The following MED27 variants were observed in gnomAD, a reference collection of about 807,000 sequenced individuals.
MED27 encodes the protein mediator of RNA polymerase II transcription subunit 27.
Under a neutral mutation model 38.2 loss-of-function variants are expected in MED27, and 30 were observed. The observed-to-expected ratio is 0.79, with a 90% CI of 0.59 to 1.07. The LOEUF is 1.07. Among genes scored for constraint, MED27 ranks in the 50% least tolerant of loss-of-function variants. MED27 has a pLI of 0.00. For synonymous variants in MED27, 122 were observed against 153.5 expected (o/e 0.79, Z 1.52); for missense variants, 289 against 397.5 (o/e 0.73, Z 2.32).
intron 4 of MED27, among the ~76,000 whole-genome samples, chr9:131,930,421 T>G (rs1214704185): frequency 2.0e-5 from 3 of 152,122 alleles, no homozygotes; most frequent in Admixed American, 6.5e-5. Context: ...GCAGCAGACC[T>G]CTCAGTGGAA....
intron 4 of MED27, among the ~76,000 whole-genome samples, chr9:131,912,653 C>T (rs1372208028): frequency 2.0e-5 from 3 of 152,194 alleles, no homozygotes; most frequent in African/African-American, 7.2e-5. Context: ...AATCTATCAA[C>T]TCTAAGACGT....
At chr9:131,895,731 C>G (rs1156988255) in intron 4 of MED27, among the ~76,000 whole-genome samples, 1 of 152,070 alleles carries the variant, frequency 6.6e-6, no homozygotes, top group Non-Finnish European at 1.5e-5. Context: ...TTCAGTGGGT[C>G]TCTTTATTTT....
intron 2 of MED27, among the ~76,000 whole-genome samples, chr9:132,075,919 A>G (rs906515129): frequency 1.3e-5 from 2 of 152,164 alleles, no homozygotes; most frequent in Non-Finnish European, 2.9e-5. Context: ...CCCAACTCCA[A>G]GGAACCCCAT....
chr9:131,952,572 ACG>A (rs1180842373), intron 3 of MED27, among the ~76,000 whole-genome samples: 1 of 152,172 alleles, frequency 6.6e-6, no homozygotes, highest in African/African-American at 2.4e-5. Context: ...AAGCTGACCC[ACG>A]TGGACTGCAT....
chr9:132,073,477 C>A (rs1833984772), intron 2 of MED27: 2 of 1,181,142 alleles, frequency 1.7e-6, no homozygotes. Flanking sequence ...GTGCCTCTCC[C>A]CTGAGCCTTA....
intron 2 of MED27, among the ~76,000 whole-genome samples, chr9:132,066,704 G>A (rs972694352): frequency 1.3e-5 from 2 of 152,224 alleles, no homozygotes; most frequent in Non-Finnish European, 2.9e-5. Flanking sequence ...GCAAGTTCCA[G>A]AAGCCAAAGA....
intron 3 of MED27, among the ~76,000 whole-genome samples, chr9:131,981,856 T>C (rs1305501026): frequency 6.6e-6 from 1 of 152,224 alleles, no homozygotes; most frequent in East Asian, 1.9e-4. Context: ...ATTTGACAAC[T>C]GACTCCATTT....
At chr9:132,011,817 G>A (rs972309779) in intron 3 of MED27, among the ~76,000 whole-genome samples, 13 of 152,194 alleles carry the variant, frequency 8.5e-5, no homozygotes, top group African/African-American at 3.1e-4. Flanking sequence ...AATTTTCACA[G>A]GAAATAGGCT....
At chr9:132,069,234 T>C (rs770058969) in intron 2 of MED27, among the ~76,000 whole-genome samples, 165 of 152,260 alleles carry the variant, frequency 1.1e-3, no homozygotes, top group Admixed American at 2.2e-3. Flanking sequence ...AGACGGCAAG[T>C]TGACACACGT....
rs141830331 is a variant in MED27 at position 131,996,333 on chromosome 9, C to T, written c.479+18004G>A. ...AGGCACAGTGATGAGGGGCTCAGACCTGCCAGGGATGAAGTGCTGGGTCTT... is the reference window on the plus strand; with the variant it reads ...AGGCACAGTGATGAGGGGCTCAGACTTGCCAGGGATGAAGTGCTGGGTCTT... On this transcript the variant is annotated intron_variant, in intron 3 of 7. Transcript: ENST00000292035. Among the ~76,000 whole-genome samples the T allele has an allele frequency of 3.6e-3, 544 of 152,326 alleles. 3 individuals carry two copies. Among genetic ancestry groups the T allele is most frequent in the African/African-American group, 0.012 (513 of 41,580 alleles).
intron 4 of MED27, among the ~76,000 whole-genome samples, chr9:131,895,259 A>T (rs1415223907): frequency 6.6e-6 from 1 of 152,238 alleles, no homozygotes; most frequent in East Asian, 1.9e-4. Context: ...ACCTGGACGC[A>T]GACCCCAGCC....
At position 131,982,178 on chromosome 9, in the gene MED27, T is replaced by C. The variant is rs949148077; in HGVS notation, c.479+32159A>G. ...GTGACTTGCTTTAAACAATAAAACA[T>C]GGCAGAATTGACATGGTGTCAGTTC... is the stretch of plus-strand genomic sequence containing the variant. On this transcript the variant is annotated intron_variant, in intron 3 of 7. Transcript: ENST00000292035. This position sits in a 1 kb window ranked among gnomAD's most constrained non-coding sequence, Gnocchi z 4.3. Among the ~76,000 whole-genome samples the C allele has an allele frequency of 7.9e-5, 12 of 152,234 alleles. No individual in the cohort carries two copies. Among genetic ancestry groups the C allele is most frequent in the Admixed American group, 6.5e-4 (10 of 15,282 alleles).
At chr9:132,067,655 C>T (rs921048989) in intron 2 of MED27, among the ~76,000 whole-genome samples, 2 of 152,190 alleles carry the variant, frequency 1.3e-5, no homozygotes, top group Admixed American at 6.5e-5. Context: ...CTCCAGTCCT[C>T]GCCCCCCAAC....
rs545072481 is a variant in MED27, at chr9:131,868,891, C to T, written c.724-5751G>A. The T allele has an allele frequency of 8.1e-6, 8 of 985,364 alleles. No individual in the cohort carries two copies. In the African/African-American group the frequency reaches 8.7e-5, roughly 11 times the overall value. The allele number at this position is 985,364 out of a possible 1,614,324, so 61.0% of individuals were successfully genotyped here. On this transcript the variant is annotated intron_variant, in intron 6 of 7. Transcript: ENST00000292035. The stretch of plus-strand genomic sequence containing the variant: ...TAGCACAGGCTGCTCAAGGGTAGCA[C>T]GAACTGAATTCACTAGAAAGTGTCC...
intron 3 of MED27, among the ~76,000 whole-genome samples, chr9:131,996,505 C>T (rs1832093802): frequency 6.6e-6 from 1 of 152,160 alleles, no homozygotes; most frequent in Non-Finnish European, 1.5e-5. Flanking sequence ...TCTAAGCTCT[C>T]CCTCAGGAAG....
chr9:131,929,219 C>A (rs561634537), intron 4 of MED27, among the ~76,000 whole-genome samples: 16 of 152,346 alleles, frequency 1.1e-4, no homozygotes, highest in Middle Eastern at 3.4e-3. Context: ...AACAGTGACA[C>A]CCAGGTGGTA....
chr9:132,024,321 T>C (rs1268064443), intron 2 of MED27, among the ~76,000 whole-genome samples: 1 of 152,210 alleles, frequency 6.6e-6, no homozygotes, highest in Non-Finnish European at 1.5e-5. Flanking sequence ...TGGCCTCCTT[T>C]TACAGATGAA....
intron 2 of MED27, among the ~76,000 whole-genome samples, chr9:132,074,683 T>C (rs145735838): frequency 5.3e-4 from 80 of 152,374 alleles, no homozygotes; most frequent in African/African-American, 1.8e-3. Flanking sequence ...GGCTTATTTC[T>C]TGAGGCTACT....
chr9:132,053,266 A>AT (rs1397494425), intron 2 of MED27, among the ~76,000 whole-genome samples: 1 of 151,654 alleles, frequency 6.6e-6, no homozygotes, highest in Non-Finnish European at 1.5e-5. Context: ...AAAAAAAAAA[A>AT]AAAGAAAAAG....
Sources: gnomAD v4.1 joint callset for allele counts (sites outside exome capture counted in the v4.1 genomes callset) on GRCh38, gnomAD v4.1.1 for gene constraint, Gnocchi (gnomAD v3.1) non-coding constraint, MANE v1.5 for transcripts, NCBI Gene and HGNC (gene_info 2026-07-23, HGNC 2026-07-21) for gene names.